The following DNAJA1 variants were observed in gnomAD, a reference collection of about 807,000 sequenced individuals.
The protein encoded by DNAJA1 is DnaJ heat shock protein family (Hsp40) member A1.
A neutral mutation model predicts 47.6 loss-of-function variants in DNAJA1; 26 were observed. The observed-to-expected ratio is 0.55, with a 90% CI of 0.40 to 0.76. The LOEUF (loss-of-function observed/expected upper bound fraction) is 0.76. DNAJA1 is among the 30% of genes least tolerant of loss of function. The pLI is 0.00. For missense variants in DNAJA1, 315 were observed against 485.0 expected, an observed-to-expected ratio of 0.65 and a Z score of 3.29; for synonymous variants, 165 against 158.4, an observed-to-expected ratio of 1.04 and a Z score of -0.31.
chr9:33,025,855 C>G (rs1419469015), intron 1 of DNAJA1, among the ~76,000 whole-genome samples: 1 of 152,188 alleles, frequency 6.6e-6, no homozygotes, highest in African/African-American at 2.4e-5. Context: ...CCCACCGCCA[C>G]TTGGGTCCAG....
rs377635011 is a variant in DNAJA1 at position 33,026,626 on chromosome 9, A to G, written c.132+10A>G. 3.1e-6 allele frequency: 5 copies of G among 1,598,184 alleles called. No homozygotes were observed. The highest frequency in any genetic ancestry group is 4.3e-6 in the Non-Finnish European group (5 of 1,176,072). ...AAATGAAGGAGAGAAGGTGAATAGT[A>G]TCTACTCTTAAACGTATCTGAATAG... On this transcript the variant is annotated intron_variant, in intron 2 of 8. Transcript: ENST00000330899.
intron 6 of DNAJA1, 57 bp downstream of exon 6, chr9:33,034,387 GTTTT>G (rs1168025229): frequency 1.5e-5 from 21 of 1,393,868 alleles, no homozygotes; most frequent in Non-Finnish European, 2.0e-5. Context: ...TGTTGGTTTT[GTTTT>G]TTGTTTTTTT....
At chr9:33,028,025 CAAAAAAAAA>C (rs144327341) in intron 3 of DNAJA1, among the ~76,000 whole-genome samples, 14 of 77,920 alleles carry the variant, frequency 1.8e-4, no homozygotes, top group African/African-American at 2.3e-4. Context: ...ACTCTTGTCT[CAAAAAAAAA>C]AAAAAAAAAA....
At chr9:33,033,109 A>C (rs1463049158) in intron 5 of DNAJA1, among the ~76,000 whole-genome samples, 1 of 151,956 alleles carries the variant, frequency 6.6e-6, no homozygotes, top group Non-Finnish European at 1.5e-5. Flanking sequence ...ACGTTGCCCA[A>C]ACCCTTACTG....
chr9:33,037,157 C>G, intron 8 of DNAJA1, 42 bp downstream of exon 8: 1 of 1,573,030 alleles, frequency 6.4e-7, no homozygotes, highest in Non-Finnish European at 8.7e-7. Flanking sequence ...GAACAATTGG[C>G]TTACTAAAAT....
intron 3 of DNAJA1, among the ~76,000 whole-genome samples, chr9:33,028,818 C>T (rs77237221): frequency 3.6e-3 from 544 of 152,246 alleles, no homozygotes; most frequent in African/African-American, 0.012. Context: ...TAGATTTTAG[C>T]GTGCCAAAAC....
intron 4 of DNAJA1, 123 bp from the exon 5 acceptor site, chr9:33,030,317 G>T: frequency 1.2e-6 from 1 of 863,472 alleles, no homozygotes. Context: ...ACATTCAGAG[G>T]GTAGCATTCC....
chr9:33,035,839 C>T (rs1035275109), intron 6 of DNAJA1, among the ~76,000 whole-genome samples: 11 of 152,068 alleles, frequency 7.2e-5, no homozygotes, highest in Admixed American at 6.6e-4. Context: ...GGGCTGTTAA[C>T]GTTAAATATG....
Position 33,026,527 on chromosome 9 carries a change from C to T in DNAJA1, c.43C>T (p.Pro15Ser). The change falls in exon 2 of 9, where the codon CCC becomes TCC. Residue 15 changes from proline (P) to serine (S), a missense_variant. Pro to Ser is a moderately conservative substitution (Grantham distance 74). Around this residue, in one of 4 missense-constraint regions of DNAJA1, gnomAD observed 100 missense variants for 163.0 expected, o/e 0.61. Coordinates refer to ENST00000330899, the MANE Select transcript of DNAJA1 (RefSeq NM_001539.4). ...TTACTACGATGTTTTGGGGGTCAAACCCAATGCTACTCAGGAAGAATTGAA... is the reference window on the plus strand; with the variant it reads ...TTACTACGATGTTTTGGGGGTCAAATCCAATGCTACTCAGGAAGAATTGAA... ...TTYYDVLGVK[P>S]NATQEELKKA... 1 of 1,611,222 alleles carries T rather than the reference C, an allele frequency of 6.2e-7. No individual in the cohort carries two copies. Among genetic ancestry groups the T allele is most frequent in the African/African-American group, 1.3e-5 (1 of 74,674 alleles).
intron 5 of DNAJA1, among the ~76,000 whole-genome samples, chr9:33,033,525 C>T (rs1350267136): frequency 6.6e-6 from 1 of 151,798 alleles, no homozygotes; most frequent in African/African-American, 2.4e-5. Flanking sequence ...TGAGAACCCC[C>T]ATCTCTATTA....
intron 1 of DNAJA1, among the ~76,000 whole-genome samples, chr9:33,025,640 C>T (rs1050251368): frequency 2.6e-5 from 4 of 151,772 alleles, no homozygotes; most frequent in Admixed American, 6.5e-5. Context: ...CTACTGTCTT[C>T]GGCTGCCCCT....
At chr9:33,033,382 A>G (rs1010859369) in intron 5 of DNAJA1, among the ~76,000 whole-genome samples, 2 of 151,772 alleles carry the variant, frequency 1.3e-5, no homozygotes, top group Non-Finnish European at 2.9e-5. Context: ...CCCTTTTTTT[A>G]AGGGGACTAT....
At chr9:33,034,187 A>G (rs1236041464) in intron 5 of DNAJA1, 29 bp from the exon 6 acceptor site, 1 of 1,465,820 alleles carries the variant, frequency 6.8e-7, no homozygotes, top group East Asian at 2.3e-5. Context: ...ATATTTAATA[A>G]AAGTACAAAA....
In DNAJA1 at chr9:33,036,583, A is replaced by C; in HGVS notation, c.768A>C (p.Glu256Asp). 1 of 1,607,140 alleles carries C rather than the reference A, an allele frequency of 6.2e-7. No individual in the cohort carries two copies. Among genetic ancestry groups the C allele is most frequent in the Non-Finnish European group, 8.5e-7 (1 of 1,176,272 alleles). Residue 256 changes from glutamate to aspartate, a missense_variant, in exon 7 of 9, where the codon GAA (glutamate) becomes GAC (aspartate). Around this residue, in one of 4 missense-constraint regions of DNAJA1, gnomAD observed 162 missense variants for 185.4 expected, o/e 0.87. Coordinates refer to ENST00000330899, the MANE Select transcript of DNAJA1 (RefSeq NM_001539.4). ...KDHAVFTRRG[E>D]DLFMCMDIQL... is the part of the protein sequence containing the mutation. Reference sequence around the variant, plus strand: ...GTCATATTTTATGCAGACGAGGAGAAGACCTTTTCATGTGTATGGACATAC... The same window carrying C: ...GTCATATTTTATGCAGACGAGGAGACGACCTTTTCATGTGTATGGACATAC...
At chr9:33,025,768 G>C (rs570610342) in intron 1 of DNAJA1, among the ~76,000 whole-genome samples, 8 of 151,606 alleles carry the variant, frequency 5.3e-5, no homozygotes, top group Non-Finnish European at 8.8e-5. Context: ...GCTGCGGGGG[G>C]AGCCGGGCGG....
chr9:33,039,008 A>G lies in DNAJA1; in HGVS notation c.*105A>G. On this transcript the variant is annotated 3_prime_UTR_variant, in exon 9 of 9. Transcript: ENST00000330899. ...ACTACTTGCTCTTGTTTTTGTTTTA[A>G]TAAACTATAGTAGTGTTTTAAAAAG... 8.8e-7 allele frequency: 1 copy of G among 1,132,472 alleles called. No individual in the cohort carries two copies. The highest frequency in any genetic ancestry group is 1.6e-5 in the African/African-American group (1 of 64,242). The allele number at this position is 1,132,472 out of a possible 1,614,324, so 70.2% of individuals were successfully genotyped here.
At chr9:33,036,238 C>G (rs1427937184) in intron 6 of DNAJA1, 1 of 159,760 alleles carries the variant, frequency 6.3e-6, no homozygotes, top group African/African-American at 2.4e-5. Context: ...ACCACAGTGC[C>G]TGGCCTAACC....
intron 3 of DNAJA1, among the ~76,000 whole-genome samples, chr9:33,029,325 AG>A (rs1838925271): frequency 6.6e-6 from 1 of 152,246 alleles, no homozygotes; most frequent in African/African-American, 2.4e-5. Context: ...CAAAACAACC[AG>A]TGCTGGCCCA....
chr9:33,036,513 C>A, intron 6 of DNAJA1, 61 bp from the exon 7 acceptor site: 1 of 1,120,910 alleles, frequency 8.9e-7, no homozygotes. Flanking sequence ...AAACAGCCTG[C>A]TTTGGTACAT....
Sources: allele counts gnomAD v4.1 joint callset (sites outside exome capture counted in the v4.1 genomes callset), GRCh38; gene constraint gnomAD v4.1.1; regional missense constraint gnomAD v4.1.1; transcripts MANE v1.5; gene names NCBI Gene and HGNC (gene_info 2026-07-23, HGNC 2026-07-21).